Variants in MACROD2 observed in about 807,000 individuals in gnomAD.
The protein encoded by MACROD2 is mono-ADP ribosylhydrolase 2.
A neutral mutation model predicts 70.4 loss-of-function variants in MACROD2; 36 were observed. The ratio of observed to expected loss-of-function variants is 0.51; its 90% confidence interval spans 0.39 to 0.68. The LOEUF is 0.68. MACROD2 is among the 30% of genes least tolerant of loss of function. The pLI, the probability that MACROD2 is intolerant of heterozygous loss-of-function variation, is 0.00. For missense variants in MACROD2, 496 were observed against 538.4 expected (o/e 0.92, Z 0.78); for synonymous variants, 172 against 178.8 (o/e 0.96, Z 0.30).
chr20:15,245,288 GCAGA>G (rs2077095824), intron 6 of MACROD2, among the ~76,000 whole-genome samples: 1 of 152,120 alleles, frequency 6.6e-6, no homozygotes, highest in African/African-American at 2.4e-5. Context: ...ATGACATATT[GCAGA>G]AATACCTTTC....
At chr20:14,403,734 G>A (rs189382907) in intron 3 of MACROD2, among the ~76,000 whole-genome samples, 78 of 152,244 alleles carry the variant, frequency 5.1e-4, no homozygotes, top group Non-Finnish European at 8.4e-4. Context: ...TTAGTTTACA[G>A]TAGTTGCAAT....
intron 8 of MACROD2, among the ~76,000 whole-genome samples, chr20:15,765,547 ATTACGG>A (rs1417733659): frequency 2.0e-5 from 3 of 152,242 alleles, no homozygotes; most frequent in Non-Finnish European, 4.4e-5. Context: ...ATGCAAATCT[ATTACGG>A]TGGGAAAGAA....
chr20:16,006,256 G>C (rs376711964), intron 15 of MACROD2, among the ~76,000 whole-genome samples: 1 of 152,186 alleles, frequency 6.6e-6, no homozygotes, highest in Non-Finnish European at 1.5e-5. Flanking sequence ...CATCGGGTCA[G>C]TTGGTTCCTT....
chr20:15,288,272 GC>G (rs2077509743), intron 6 of MACROD2, among the ~76,000 whole-genome samples: 1 of 152,162 alleles, frequency 6.6e-6, no homozygotes, highest in East Asian at 1.9e-4. Context: ...CCTCTGCTTT[GC>G]TTTCCTTGGT....
chr20:14,265,234 C>A (rs487231), intron 3 of MACROD2, among the ~76,000 whole-genome samples: 149,689 of 152,316 alleles, frequency 0.98, 73,559 homozygotes, highest in East Asian at 1. Context: ...AGATGATCAG[C>A]TGATTCTTTC....
At chr20:14,281,588 AT>A (rs2082306349) in intron 3 of MACROD2, among the ~76,000 whole-genome samples, 1 of 152,132 alleles carries the variant, frequency 6.6e-6, no homozygotes, top group Admixed American at 6.6e-5. Flanking sequence ...CTTCAGATGA[AT>A]TCTGTACTTT....
At chr20:14,030,313 T>C (rs1435007188) in intron 2 of MACROD2, among the ~76,000 whole-genome samples, 1 of 152,082 alleles carries the variant, frequency 6.6e-6, no homozygotes, top group Non-Finnish European at 1.5e-5. Flanking sequence ...GCTGGGGTTA[T>C]AGGCATGAGT....
At chr20:15,141,561 G>C (rs955136898) in intron 5 of MACROD2, among the ~76,000 whole-genome samples, 1 of 152,158 alleles carries the variant, frequency 6.6e-6, no homozygotes. Flanking sequence ...CTGATTCCAA[G>C]TGACCTCAGA....
intron 3 of MACROD2, among the ~76,000 whole-genome samples, chr20:14,275,975 C>G (rs2082250974): frequency 6.6e-6 from 1 of 152,090 alleles, no homozygotes; most frequent in Admixed American, 6.5e-5. Flanking sequence ...AGTCAGGAAA[C>G]AACAGGTGCT....
chr20:15,875,543 A>G (rs1283857039), intron 9 of MACROD2, among the ~76,000 whole-genome samples: 4 of 152,032 alleles, frequency 2.6e-5, no homozygotes, highest in African/African-American at 9.7e-5. Context: ...ATGGGCCTCA[A>G]AAGCTGCAAA....
At chr20:14,257,126 G>T (rs2082062614) in intron 3 of MACROD2, among the ~76,000 whole-genome samples, 1 of 152,130 alleles carries the variant, frequency 6.6e-6, no homozygotes, top group Non-Finnish European at 1.5e-5. Context: ...AGCACTAGTG[G>T]TCTTTACCCT....
intron 8 of MACROD2, among the ~76,000 whole-genome samples, chr20:15,819,363 A>G (rs2063912783): frequency 7.8e-6 from 1 of 128,638 alleles, no homozygotes; most frequent in East Asian, 3.7e-4. Context: ...AAATGTATAT[A>G]AATAAATAAA....
intron 3 of MACROD2, among the ~76,000 whole-genome samples, chr20:14,466,254 A>C (rs1399118424): frequency 2.0e-5 from 3 of 151,690 alleles, no homozygotes; most frequent in African/African-American, 7.3e-5. Context: ...TTTTTCTCTA[A>C]ACTTCTCTTC....
chr20:15,084,482 A>G (rs921018673), intron 5 of MACROD2, among the ~76,000 whole-genome samples: 11 of 152,204 alleles, frequency 7.2e-5, no homozygotes, highest in African/African-American at 2.7e-4. Flanking sequence ...ATGAGTGAGA[A>G]AGAAGTCAAG....
At chr20:14,447,568 G>T (rs1405573437) in intron 3 of MACROD2, among the ~76,000 whole-genome samples, 1 of 151,896 alleles carries the variant, frequency 6.6e-6, no homozygotes, top group Admixed American at 6.6e-5. Flanking sequence ...GAGACTCTAG[G>T]AGTTTATTGT....
intron 5 of MACROD2, among the ~76,000 whole-genome samples, chr20:15,134,764 T>G (rs1260823938): frequency 2.6e-5 from 4 of 152,074 alleles, no homozygotes; most frequent in Non-Finnish European, 1.5e-5. Flanking sequence ...CTTCAAAAAA[T>G]TAATGAATCC....
intron 8 of MACROD2, among the ~76,000 whole-genome samples, chr20:15,816,892 A>G (rs2063882184): frequency 1.3e-5 from 2 of 152,346 alleles, no homozygotes; most frequent in East Asian, 3.9e-4. Flanking sequence ...ATAAATTGAT[A>G]AACCCTGATG....
At chr20:14,115,445 G>A (rs1432608092) in intron 3 of MACROD2, among the ~76,000 whole-genome samples, 1 of 152,158 alleles carries the variant, frequency 6.6e-6, no homozygotes, top group Non-Finnish European at 1.5e-5. Flanking sequence ...AGTGAAATGT[G>A]AGGATCATGT....
At chr20:14,865,164 G>T (rs1286892658) in intron 5 of MACROD2, among the ~76,000 whole-genome samples, 2 of 152,182 alleles carry the variant, frequency 1.3e-5, no homozygotes, top group East Asian at 3.9e-4. Context: ...GTCAATGGTA[G>T]GCATTGTCAG....
Sources: allele counts gnomAD v4.1 joint callset (sites outside exome capture counted in the v4.1 genomes callset), GRCh38; gene constraint gnomAD v4.1.1; transcripts MANE v1.5; gene names NCBI Gene and HGNC (gene_info 2026-07-23, HGNC 2026-07-21).